The following PEX3 variants were observed in gnomAD, a reference collection of about 807,000 sequenced individuals.
PEX3 encodes peroxin-3.
Under a neutral mutation model 55.8 loss-of-function variants are expected in PEX3, and 30 were observed. That is an observed-to-expected ratio of 0.54 (90% CI 0.40 to 0.73). PEX3 has a LOEUF of 0.73. PEX3 is among the 30% of genes least tolerant of loss of function. The pLI is 0.00. For synonymous variants in PEX3, 135 were observed against 148.4 expected, an observed-to-expected ratio of 0.91 and a Z score of 0.66; for missense variants, 351 against 432.8, an observed-to-expected ratio of 0.81 and a Z score of 1.68.
intron 9 of PEX3, among the ~76,000 whole-genome samples, chr6:143,477,158 A>AT (rs1780164661): frequency 6.6e-6 from 1 of 152,186 alleles, no homozygotes; most frequent in African/African-American, 2.4e-5. Context: ...ATTCAAAAGA[A>AT]TTAGAGTTTA....
chr6:143,471,801 GA>G lies in PEX3; in HGVS notation c.578+193del, dbSNP rs1181655204. The stretch of plus-strand genomic sequence containing the variant: ...TTTATCTTTTTTTTTATACAGAGGG[GA>G]AAGTTTTAATGTTTCATTGTTAATT... On this transcript the variant is annotated intron_variant, in intron 7 of 11. Coordinates refer to ENST00000367591, the MANE Select transcript of PEX3 (RefSeq NM_003630.3). The surrounding 1 kb of genome is among the most constrained non-coding windows in gnomAD (Gnocchi z 5.4). Among the ~76,000 whole-genome samples, 2 of 151,930 alleles carry G rather than the reference GA, an allele frequency of 1.3e-5. No homozygotes were observed. The highest frequency in any genetic ancestry group is 2.9e-5 in the Non-Finnish European group (2 of 67,968).
rs1780073091 is a variant in PEX3 at position 143,471,470 on chromosome 6, T to G, written c.523+21T>G. The G allele has an allele frequency of 1.3e-6, 2 of 1,571,416 alleles. No individual in the cohort carries two copies. Among genetic ancestry groups the G allele is most frequent in the East Asian group, 4.5e-5 (2 of 44,586 alleles). On this transcript the variant is annotated intron_variant, in intron 6 of 11. Coordinates refer to ENST00000367591, the MANE Select transcript of PEX3 (RefSeq NM_003630.3). This position sits in a 1 kb window ranked among gnomAD's most constrained non-coding sequence, Gnocchi z 5.4. ...AGATGGTAAGATTCTTATTTGTGAC[T>G]TTTATACTAATTTTAATTCATTTAT...
Position 143,465,923 on chromosome 6 carries a change from G to GAA in PEX3, c.288-2198_288-2197dup, listed in dbSNP as rs1779984701. On this transcript the variant is annotated intron_variant, in intron 3 of 11. Transcript: ENST00000367591. The surrounding 1 kb of genome is among the most constrained non-coding windows in gnomAD (Gnocchi z 4.7). The stretch of plus-strand genomic sequence containing the variant: ...ATTTATGTCTGAAAGTAATAATAAA[G>GAA]AATATGGACTTGTGTTTTCTATATC... Among the ~76,000 whole-genome samples the GAA allele has an allele frequency of 6.6e-6, 1 of 151,990 alleles. No individual in the cohort carries two copies. The highest frequency in any genetic ancestry group is 1.5e-5 in the Non-Finnish European group (1 of 67,906).
In PEX3 at chr6:143,486,029, G is replaced by A. The variant is rs1780318518; in HGVS notation, c.1038+781G>A. Among the ~76,000 whole-genome samples, 2 of 152,094 alleles carry A rather than the reference G, an allele frequency of 1.3e-5. No homozygotes were observed. Among genetic ancestry groups the A allele is most frequent in the Admixed American group, 6.6e-5 (1 of 15,246 alleles). On this transcript the variant is annotated intron_variant, in intron 11 of 11. Transcript: ENST00000367591. This position sits in a 1 kb window ranked among gnomAD's most constrained non-coding sequence, Gnocchi z 5.0. ...TCAGACAATTTAGTGTATCCTCTCT[G>A]TAGACTTTTTACTCTTGGGAACGTG...
At chr6:143,481,711 T>C (rs1780243829) in intron 10 of PEX3, among the ~76,000 whole-genome samples, 1 of 152,080 alleles carries the variant, frequency 6.6e-6, no homozygotes, top group Non-Finnish European at 1.5e-5. Flanking sequence ...AAAAAATACA[T>C]TTTTATATAA....
rs1392542965 is a variant in PEX3, at chr6:143,476,665, G to A, written c.818+1809G>A. Among the ~76,000 whole-genome samples, 1 of 152,220 alleles carries A rather than the reference G, an allele frequency of 6.6e-6. No homozygotes were observed. Among genetic ancestry groups the A allele is most frequent in the Non-Finnish European group, 1.5e-5 (1 of 68,042 alleles). On this transcript the variant is annotated intron_variant, in intron 9 of 11. Coordinates refer to ENST00000367591, the MANE Select transcript of PEX3 (RefSeq NM_003630.3). The surrounding 1 kb of genome is among the most constrained non-coding windows in gnomAD (Gnocchi z 5.4). ...GGGTTATGAAAGAGGAGGCAAGGAT[G>A]ACTCCTAGGTATTGGGGCTGAGCAT...
rs558928653 is a variant in PEX3, at chr6:143,458,561, A to G, written c.74-524A>G. Among the ~76,000 whole-genome samples, 11 of 152,280 alleles carry G rather than the reference A, an allele frequency of 7.2e-5. No individual in the cohort carries two copies. The highest frequency in any genetic ancestry group is 2.4e-4 in the African/African-American group (10 of 41,574). On this transcript the variant is annotated intron_variant, in intron 1 of 11. Transcript: ENST00000367591. This position sits in a 1 kb window ranked among gnomAD's most constrained non-coding sequence, Gnocchi z 6.1. ...AGAGGACAAAATGACCTGTTATCCC[A>G]CCATTCAGCAATGATCATTGTTTGT...
intron 4 of PEX3, 110 bp from the exon 5 acceptor site, chr6:143,470,851 G>A: frequency 1.2e-6 from 1 of 832,452 alleles, no homozygotes; most frequent in Non-Finnish European, 1.9e-6. Context: ...AGAAACAGTT[G>A]TAAATATGTT....
Position 143,459,028 on chromosome 6 carries a change from A to G in PEX3, c.74-57A>G, listed in dbSNP as rs995289932. On this transcript the variant is annotated intron_variant, in intron 1 of 11. Coordinates refer to ENST00000367591, the MANE Select transcript of PEX3 (RefSeq NM_003630.3). This position sits in a 1 kb window ranked among gnomAD's most constrained non-coding sequence, Gnocchi z 4.2. ...TATAATTGCATAAAGTAGGTTAAAA[A>G]TACTGTGTAGAATTTTTGGTACTCT... is the stretch of plus-strand genomic sequence containing the variant. The G allele has an allele frequency of 2.5e-6, 3 of 1,197,900 alleles. No homozygotes were observed. Among genetic ancestry groups the G allele is most frequent in the South Asian group, 2.5e-5 (2 of 80,094 alleles). The allele number at this position is 1,197,900 out of a possible 1,614,324, so 74.2% of individuals were successfully genotyped here.
intron 2 of PEX3, among the ~76,000 whole-genome samples, chr6:143,461,860 A>G (rs567332815): frequency 5.3e-5 from 8 of 152,322 alleles, no homozygotes; most frequent in Admixed American, 1.3e-4. Context: ...AGGCAGGAGG[A>G]TCGCTTGAGC....
At chr6:143,456,413 T>C (rs1163547966) in intron 1 of PEX3, among the ~76,000 whole-genome samples, 1 of 152,200 alleles carries the variant, frequency 6.6e-6, no homozygotes, top group Non-Finnish European at 1.5e-5. Flanking sequence ...AGAACTTAGT[T>C]CAGTGCTAAA....
At position 143,479,281 on chromosome 6, in the gene PEX3, C is replaced by T. The variant is rs2128747496; in HGVS notation, c.941+83C>T. ...CTTGTCTTTTTGTTCCAGATAACAA[C>T]AACAAACCTATTAAATTTGAGTGCC... is the stretch of plus-strand genomic sequence containing the variant. On this transcript the variant is annotated intron_variant, in intron 10 of 11. Coordinates refer to ENST00000367591, the MANE Select transcript of PEX3 (RefSeq NM_003630.3). This position sits in a 1 kb window ranked among gnomAD's most constrained non-coding sequence, Gnocchi z 4.6. 1 of 1,074,546 alleles carries T rather than the reference C, an allele frequency of 9.3e-7. No homozygotes were observed. The highest frequency in any genetic ancestry group is 1.4e-6 in the Non-Finnish European group (1 of 698,150). 66.6% of individuals were successfully genotyped at this position (1,074,546 alleles called of 1,614,324 possible).
In PEX3 at chr6:143,454,028, T is replaced by A. The variant is rs537935289; in HGVS notation, c.73+2913T>A. Among the ~76,000 whole-genome samples the A allele has an allele frequency of 2.3e-3, 280 of 119,832 alleles. No homozygotes were observed. Among genetic ancestry groups the A allele is most frequent in the African/African-American group, 8.4e-3 (260 of 30,976 alleles). 78.6% of individuals were successfully genotyped at this position (119,832 alleles called of 152,430 possible). ...TATGATATTCAAAATTAAAATGAAA[T>A]TTTTTAAAATATTAATTCATTTTAA... On this transcript the variant is annotated intron_variant, in intron 1 of 11. Transcript: ENST00000367591. The surrounding 1 kb of genome is among the most constrained non-coding windows in gnomAD (Gnocchi z 4.3).
chr6:143,468,231 C>G lies in PEX3; in HGVS notation c.331+66C>G, dbSNP rs2128746359. The G allele has an allele frequency of 7.5e-6, 8 of 1,064,906 alleles. No individual in the cohort carries two copies. The Middle Eastern group carries it at 1.4e-3, about 186-fold the overall frequency. 66.0% of individuals were successfully genotyped at this position (1,064,906 alleles called of 1,614,324 possible). The stretch of plus-strand genomic sequence containing the variant: ...ATTTATAAAGGGAAATGTTTGCATT[C>G]TATTAGGATGACTCTTCTTTACCTG... On this transcript the variant is annotated intron_variant, in intron 4 of 11. Coordinates refer to ENST00000367591, the MANE Select transcript of PEX3 (RefSeq NM_003630.3).
intron 4 of PEX3, 72 bp from the exon 5 acceptor site, chr6:143,470,889 C>T (rs1584010241): frequency 2.2e-6 from 3 of 1,333,824 alleles, no homozygotes; most frequent in Non-Finnish European, 3.2e-6. Context: ...AAAAAAATAA[C>T]CTTAGGATGG....
At chr6:143,484,790 G>A (rs540891678) in intron 10 of PEX3, among the ~76,000 whole-genome samples, 4 of 152,112 alleles carry the variant, frequency 2.6e-5, no homozygotes, top group South Asian at 2.1e-4. Flanking sequence ...GATATAAATT[G>A]TCACAGCTAG....
intron 4 of PEX3, among the ~76,000 whole-genome samples, chr6:143,470,568 C>T (rs72990732): frequency 7.9e-5 from 12 of 152,328 alleles, no homozygotes; most frequent in Non-Finnish European, 1.0e-4. Context: ...ACAGGCTCAT[C>T]CTCCTCGGGC....
rs1033355611 is a variant in PEX3 at position 143,475,020 on chromosome 6, A to T, written c.818+164A>T. 2.0e-5 allele frequency among the ~76,000 whole-genome samples: 3 copies of T among 152,152 alleles called. No individual in the cohort carries two copies. The highest frequency in any genetic ancestry group is 4.4e-5 in the Non-Finnish European group (3 of 68,010). On this transcript the variant is annotated intron_variant, in intron 9 of 11. Transcript: ENST00000367591. The surrounding 1 kb of genome is among the most constrained non-coding windows in gnomAD (Gnocchi z 4.4). ...AGATAAGATTTCCTACTCAAACTGG[A>T]GGGAAGCAGGGATTTCTTAGGGTAA...
At position 143,485,264 on chromosome 6, in the gene PEX3, G is replaced by A. The variant is rs766910380; in HGVS notation, c.1038+16G>A. ...TTTTGTTCAGGTAAGAAGAAAGCTTGGGAGTGTTATTAAAAGCAAATTATA... is the reference window on the plus strand; with the variant it reads ...TTTTGTTCAGGTAAGAAGAAAGCTTAGGAGTGTTATTAAAAGCAAATTATA... On this transcript the variant is annotated intron_variant, in intron 11 of 11. Transcript: ENST00000367591. This position sits in a 1 kb window ranked among gnomAD's most constrained non-coding sequence, Gnocchi z 5.6. 7.2e-7 allele frequency: 1 copy of A among 1,393,202 alleles called. No homozygotes were observed. The highest frequency in any genetic ancestry group is 1.0e-6 in the Non-Finnish European group (1 of 978,792). The allele number at this position is 1,393,202 out of a possible 1,614,324, so 86.3% of individuals were successfully genotyped here.
Sources: allele counts gnomAD v4.1 joint callset (sites outside exome capture counted in the v4.1 genomes callset), GRCh38; gene constraint gnomAD v4.1.1; non-coding constraint Gnocchi (gnomAD v3.1); transcripts MANE v1.5; gene names NCBI Gene and HGNC (gene_info 2026-07-23, HGNC 2026-07-21).